IQCM: variants seen among roughly 807,000 people sequenced by gnomAD.
The protein encoded by IQCM is IQ motif containing M, also known as IQ domain-containing protein M.
A neutral mutation model predicts 57.6 loss-of-function variants in IQCM; 45 were observed. The observed-to-expected ratio is 0.78, with a 90% confidence interval of 0.62 to 1.00. The LOEUF (loss-of-function observed/expected upper bound fraction) is 1.00, where lower values mean the gene tolerates loss of function less well. Among genes scored for constraint, IQCM ranks in the 50% least tolerant of loss-of-function variants. The pLI, the probability that IQCM is intolerant of heterozygous loss-of-function variation, is 0.00. For synonymous variants in IQCM, 148 were observed against 158.9 expected (o/e 0.93, Z 0.51); for missense variants, 468 against 511.6 (o/e 0.91, Z 0.82).
intron 12 of IQCM, among the ~76,000 whole-genome samples, chr4:149,501,758 G>A (rs1743266757): frequency 6.6e-6 from 1 of 152,138 alleles, no homozygotes; most frequent in East Asian, 1.9e-4. Flanking sequence ...CATGAACAGT[G>A]CATGGCCCAC....
At chr4:149,509,577 GA>G (rs34175486) in intron 12 of IQCM, among the ~76,000 whole-genome samples, 147,629 of 152,034 alleles carry the variant, frequency 0.97, 71,791 homozygotes, top group East Asian at 1. Flanking sequence ...AATATGACTG[GA>G]AAAAAACAAG....
intron 12 of IQCM, among the ~76,000 whole-genome samples, chr4:149,481,708 T>TG (rs1303326850): frequency 1.5e-5 from 2 of 134,746 alleles, no homozygotes; most frequent in South Asian, 2.4e-4. Flanking sequence ...TTTGTTTTTT[T>TG]TTTTTTTTTT....
At chr4:149,632,281 AT>A (rs1442194839) in intron 7 of IQCM, among the ~76,000 whole-genome samples, 1 of 152,198 alleles carries the variant, frequency 6.6e-6, no homozygotes, top group Admixed American at 6.5e-5. Context: ...GAGGTATTTG[AT>A]TGGCAATGTG....
intron 2 of IQCM, among the ~76,000 whole-genome samples, chr4:149,746,281 T>C (rs1294186676): frequency 4.6e-5 from 7 of 152,174 alleles, no homozygotes; most frequent in African/African-American, 1.4e-4. Flanking sequence ...GCTCAAGCCA[T>C]AAATCTTTTA....
At chr4:149,627,107 T>A (rs753214478) in intron 7 of IQCM, among the ~76,000 whole-genome samples, 28 of 152,130 alleles carry the variant, frequency 1.8e-4, no homozygotes, top group Non-Finnish European at 2.9e-5. Flanking sequence ...GATACAGCCC[T>A]ATGGAAAGGA....
chr4:149,530,885 A>G (rs1746680230), intron 12 of IQCM, among the ~76,000 whole-genome samples: 1 of 148,968 alleles, frequency 6.7e-6, no homozygotes, highest in Non-Finnish European at 1.5e-5. Flanking sequence ...AGGTAGAGAA[A>G]TAGAGAGGCA....
chr4:149,368,616 TC>T (rs1730008624), intron 13 of IQCM, among the ~76,000 whole-genome samples: 1 of 150,894 alleles, frequency 6.6e-6, no homozygotes, highest in Non-Finnish European at 1.5e-5. Flanking sequence ...AAATACAAGA[TC>T]AATTTTAGGG....
intron 13 of IQCM, among the ~76,000 whole-genome samples, chr4:149,408,898 T>C (rs958887582): frequency 2.6e-5 from 4 of 152,160 alleles, no homozygotes; most frequent in African/African-American, 9.7e-5. Context: ...TGTTTTTTTA[T>C]GTCATTCAAG....
At chr4:149,736,435 T>C (rs889281297) in intron 3 of IQCM, among the ~76,000 whole-genome samples, 2 of 152,188 alleles carry the variant, frequency 1.3e-5, no homozygotes, top group Admixed American at 6.5e-5. Flanking sequence ...CTGACACTTA[T>C]AAGTGTTTCT....
At chr4:149,663,700 T>C (rs377704818) in intron 7 of IQCM, among the ~76,000 whole-genome samples, 1 of 152,154 alleles carries the variant, frequency 6.6e-6, no homozygotes, top group African/African-American at 2.4e-5. Flanking sequence ...CATCTGCTGA[T>C]AATCTAGCAG....
Position 149,445,176 on chromosome 4 carries a change from A to C in IQCM, c.1229-11619T>G, listed in dbSNP as rs911496209. Among the ~76,000 whole-genome samples the C allele has an allele frequency of 4.6e-5, 7 of 151,848 alleles. No individual in the cohort carries two copies. The Admixed American group carries it at 4.6e-4, about 10-fold the overall frequency. On this transcript the variant is annotated intron_variant, in intron 12 of 13. Transcript: ENST00000636793. ...GGCCTTCAGGGGCACTTCTTTCCTGAACATTAGTGTGGTCTTCTTGGTTCA... is the reference window on the plus strand; with the variant it reads ...GGCCTTCAGGGGCACTTCTTTCCTGCACATTAGTGTGGTCTTCTTGGTTCA...
At chr4:149,809,144 A>C (rs1009222244) in intron 2 of IQCM, among the ~76,000 whole-genome samples, 1 of 151,610 alleles carries the variant, frequency 6.6e-6, no homozygotes, top group African/African-American at 2.4e-5. Flanking sequence ...TTTATGAAAA[A>C]CCCAGCTACC....
chr4:149,467,138 T>C (rs1176591503), intron 12 of IQCM, among the ~76,000 whole-genome samples: 4 of 152,168 alleles, frequency 2.6e-5, no homozygotes, highest in Non-Finnish European at 4.4e-5. Context: ...GGCAATAGTG[T>C]GCTATCACTC....
chr4:149,462,629 G>A lies in IQCM; in HGVS notation c.1229-29072C>T, dbSNP rs375360520. On this transcript the variant is annotated intron_variant, in intron 12 of 13. Coordinates refer to ENST00000636793, the MANE Select transcript of IQCM (RefSeq NM_001363507.2). ...GTCTTTTCCTATTTACCTTACATGT[G>A]TCTTTTTCTCCTTTTTCCACTTGGG... is the stretch of plus-strand genomic sequence containing the variant. 2.0e-5 allele frequency among the ~76,000 whole-genome samples: 3 copies of A among 152,056 alleles called. No homozygotes were observed. The East Asian group carries it at 5.8e-4, about 29-fold the overall frequency.
chr4:149,476,851 A>G (rs563248379), intron 12 of IQCM, among the ~76,000 whole-genome samples: 1 of 152,280 alleles, frequency 6.6e-6, no homozygotes, highest in South Asian at 2.1e-4. Flanking sequence ...GATCAGTGGC[A>G]CTGAGTCCTG....
chr4:149,462,658 C>A (rs138100310), intron 12 of IQCM, among the ~76,000 whole-genome samples: 8 of 152,208 alleles, frequency 5.3e-5, no homozygotes, highest in African/African-American at 1.4e-4. Flanking sequence ...ACTTGGGACC[C>A]ATTAGTTATC....
intron 7 of IQCM, among the ~76,000 whole-genome samples, chr4:149,625,593 G>C (rs918019648): frequency 1.1e-4 from 16 of 152,176 alleles, no homozygotes; most frequent in Admixed American, 6.5e-4. Context: ...ACTCAGCAAG[G>C]CTTATTTCTT....
intron 13 of IQCM, among the ~76,000 whole-genome samples, chr4:149,426,587 G>A (rs898564538): frequency 6.6e-6 from 1 of 151,950 alleles, no homozygotes. Flanking sequence ...TAGAGCTGCA[G>A]TTATCTGAAG....
chr4:149,385,025 TG>T (rs1731323907), intron 13 of IQCM, among the ~76,000 whole-genome samples: 2 of 151,948 alleles, frequency 1.3e-5, no homozygotes, highest in Non-Finnish European at 2.9e-5. Flanking sequence ...CTACATGTAT[TG>T]AGGTGATGAT....
Sources: gnomAD v4.1 joint callset for allele counts (sites outside exome capture counted in the v4.1 genomes callset) on GRCh38, gnomAD v4.1.1 for gene constraint, MANE v1.5 for transcripts, NCBI Gene and HGNC (gene_info 2026-07-23, HGNC 2026-07-21) for gene names.